The following SLC12A2 variants were observed in gnomAD, a reference collection of about 807,000 sequenced individuals.
SLC12A2 encodes the protein Na-K-2Cl cotransporter 1.
A neutral mutation model predicts 136.3 loss-of-function variants in SLC12A2; 67 were observed. The ratio of observed to expected loss-of-function variants is 0.49; its 90% CI spans 0.40 to 0.60. The LOEUF (loss-of-function observed/expected upper bound fraction) is 0.60. SLC12A2 is among the 20% of genes least tolerant of loss of function. SLC12A2 has a pLI of 0.00. For synonymous variants in SLC12A2, 619 were observed against 562.9 expected (o/e 1.10, Z -1.41); for missense variants, 1,322 against 1,534.7 (o/e 0.86, Z 2.32).
At chr5:128,171,916 T>A (rs959702053) in intron 19 of SLC12A2, 170 bp downstream of exon 19, 1 of 482,402 alleles carries the variant, frequency 2.1e-6, no homozygotes, top group African/African-American at 2.0e-5. Flanking sequence ...AGTTTGTGTT[T>A]TCTCGTTGTA....
chr5:128,124,870 G>C (rs943570519), intron 4 of SLC12A2, among the ~76,000 whole-genome samples: 1 of 152,086 alleles, frequency 6.6e-6, no homozygotes, highest in African/African-American at 2.4e-5. Context: ...TGTCCAATCC[G>C]GAAGCTATGT....
chr5:128,157,532 T>A (rs1762902440), intron 15 of SLC12A2, among the ~76,000 whole-genome samples: 1 of 152,166 alleles, frequency 6.6e-6, no homozygotes, highest in Admixed American at 6.6e-5. Flanking sequence ...TATGAAGTGA[T>A]CAAGCTAAGA....
chr5:128,182,082 TAATTGATA>T (rs1763724347), intron 23 of SLC12A2, among the ~76,000 whole-genome samples: 1 of 152,136 alleles, frequency 6.6e-6, no homozygotes, highest in African/African-American at 2.4e-5. Flanking sequence ...AGTAGCCACT[TAATTGATA>T]GATCCTGGAA....
chr5:128,144,867 T>C (rs1433792277), intron 10 of SLC12A2, among the ~76,000 whole-genome samples: 1 of 152,182 alleles, frequency 6.6e-6, no homozygotes, highest in Admixed American at 6.5e-5. Context: ...ACACAGACTT[T>C]TACCATTCAT....
intron 4 of SLC12A2, among the ~76,000 whole-genome samples, chr5:128,122,076 TA>T (rs1448887119): frequency 6.6e-6 from 1 of 152,226 alleles, no homozygotes; most frequent in Admixed American, 6.5e-5. Context: ...AATACTGTAT[TA>T]TATGAACTGA....
At chr5:128,159,725 A>G (rs1329726716) in intron 16 of SLC12A2, among the ~76,000 whole-genome samples, 1 of 152,226 alleles carries the variant, frequency 6.6e-6, no homozygotes, top group African/African-American at 2.4e-5. Context: ...CAATCATTAA[A>G]AAGTCAGGAA....
At position 128,184,816 on chromosome 5, in the gene SLC12A2, T is replaced by C; in HGVS notation, c.3463T>C (p.Leu1155=). 6.2e-7 allele frequency: 1 copy of C among 1,608,038 alleles called. No homozygotes were observed. Among genetic ancestry groups the C allele is most frequent in the Non-Finnish European group, 8.5e-7 (1 of 1,174,786 alleles). The change falls in exon 26 of 27, where the codon TTA becomes CTA. Residue 1155 remains leucine, a synonymous_variant. Transcript: ENST00000262461. ...KTYRQIRLNE[L]LKEHSSTANI... ...ATACCGGCAGATCAGGTTAAATGAG[T>C]TATTAAAGGAACATTCAAGCACAGC... is the stretch of plus-strand genomic sequence containing the variant.
rs184431014 is a variant in SLC12A2 at position 128,090,127 on chromosome 5, A to C, written c.756+5417A>C. 2.9e-4 allele frequency among the ~76,000 whole-genome samples: 44 copies of C among 152,346 alleles called. No individual in the cohort carries two copies. The South Asian group carries it at 3.7e-3, about 13-fold the overall frequency. On this transcript the variant is annotated intron_variant, in intron 1 of 26. Transcript: ENST00000262461. ...ACTAAATGCATTCCCCCAGGTGTAC[A>C]CTGACTGAAGTAGTTCTACAATGCG...
At chr5:128,171,813 T>G (rs1763384711) in intron 19 of SLC12A2, 67 bp downstream of exon 19, 4 of 914,692 alleles carry the variant, frequency 4.4e-6, no homozygotes, top group Admixed American at 2.4e-5. Context: ...AAAATTATAT[T>G]CTCACAAACT....
chr5:128,172,675 C>T (rs1378244556), intron 19 of SLC12A2, among the ~76,000 whole-genome samples: 4 of 152,136 alleles, frequency 2.6e-5, no homozygotes, highest in Admixed American at 1.3e-4. Context: ...TTTATAAAAA[C>T]TATGGCTGGG....
intron 4 of SLC12A2, among the ~76,000 whole-genome samples, chr5:128,125,778 T>C (rs1761768174): frequency 6.6e-6 from 1 of 152,136 alleles, no homozygotes; most frequent in Admixed American, 6.5e-5. Flanking sequence ...CTTTATAGTT[T>C]CAGTTTTTAG....
intron 15 of SLC12A2, among the ~76,000 whole-genome samples, chr5:128,155,775 T>C (rs1762853494): frequency 6.6e-6 from 1 of 152,192 alleles, no homozygotes; most frequent in Non-Finnish European, 1.5e-5. Flanking sequence ...TGTAGATTAA[T>C]GTGGCTTTGC....
intron 1 of SLC12A2, among the ~76,000 whole-genome samples, chr5:128,106,077 T>G (rs548780689): frequency 1.1e-4 from 16 of 152,328 alleles, no homozygotes; most frequent in African/African-American, 3.6e-4. Context: ...TACCAGTCCC[T>G]GCTGGGGCTG....
Position 128,116,670 on chromosome 5 carries a change from T to C in SLC12A2, c.1048+1989T>C, listed in dbSNP as rs180862441. Among the ~76,000 whole-genome samples, 141 of 152,200 alleles carry C rather than the reference T, an allele frequency of 9.3e-4. 1 individual carries two copies. The highest frequency in any genetic ancestry group is 3.3e-3 in the African/African-American group (136 of 41,536). ...ACATTTGGTGAAATAATGAAACCCA[T>C]AGAAGATAAAAGAGAAAGTTATTAA... is the stretch of plus-strand genomic sequence containing the variant. On this transcript the variant is annotated intron_variant, in intron 4 of 26. Transcript: ENST00000262461.
chr5:128,169,566 T>C (rs1004000669), intron 18 of SLC12A2: 28 of 149,396 alleles, frequency 1.9e-4, no homozygotes, highest in African/African-American at 7.2e-4. Flanking sequence ...GTGTTGTATG[T>C]TGTTACTACT....
chr5:128,101,854 T>C (rs551965720), intron 1 of SLC12A2, among the ~76,000 whole-genome samples: 2 of 152,226 alleles, frequency 1.3e-5, no homozygotes, highest in Non-Finnish European at 2.9e-5. Context: ...CTATACTGTG[T>C]TGGCTTGGCA....
chr5:128,114,526 G>C (rs1761275332), intron 3 of SLC12A2, 60 bp from the exon 4 acceptor site: 1 of 1,166,770 alleles, frequency 8.6e-7, no homozygotes, highest in East Asian at 2.4e-5. Context: ...ACCAGTTTTA[G>C]ATACCGATGA....
At chr5:128,178,436 C>T (rs1030714707) in intron 21 of SLC12A2, 131 bp from the exon 22 acceptor site, 5 of 511,118 alleles carry the variant, frequency 9.8e-6, no homozygotes, top group Non-Finnish European at 1.6e-5. Flanking sequence ...TGGTAGATGC[C>T]GTATACAATT....
chr5:128,118,406 T>C (rs1761433914), intron 4 of SLC12A2, among the ~76,000 whole-genome samples: 1 of 152,150 alleles, frequency 6.6e-6, no homozygotes, highest in Non-Finnish European at 1.5e-5. Context: ...AGGAATGAAA[T>C]AATGGCATTT....
Sources: gnomAD v4.1 joint callset for allele counts (sites outside exome capture counted in the v4.1 genomes callset) on GRCh38, gnomAD v4.1.1 for gene constraint, MANE v1.5 for transcripts, NCBI Gene and HGNC (gene_info 2026-07-23, HGNC 2026-07-21) for gene names.